The following MRPS27 variants were observed in gnomAD, a reference collection of about 807,000 sequenced individuals.
The protein encoded by MRPS27 is small ribosomal subunit protein mS27.
Under a neutral mutation model 48.9 loss-of-function variants are expected in MRPS27, and 43 were observed. The ratio of observed to expected loss-of-function variants is 0.88; its 90% CI spans 0.69 to 1.13. The LOEUF (loss-of-function observed/expected upper bound fraction) is 1.13, where lower values mean the gene tolerates loss of function less well. Ranked by LOEUF, MRPS27 falls within the 50% of genes most tolerant of loss-of-function variation. The probability of loss-of-function intolerance (pLI) is 0.00; values close to 1 mark genes in which losing one functional copy is unlikely to be tolerated. For missense variants in MRPS27, 467 were observed against 476.3 expected, an observed-to-expected ratio of 0.98 and a Z score of 0.18; for synonymous variants, 188 against 171.9, an observed-to-expected ratio of 1.09 and a Z score of -0.73.
intron 4 of MRPS27, among the ~76,000 whole-genome samples, chr5:72,293,862 C>G (rs1289925246): frequency 1.3e-5 from 2 of 152,148 alleles, no homozygotes; most frequent in Non-Finnish European, 2.9e-5. Flanking sequence ...AATATGAGAA[C>G]TGGCCAGATG....
intron 6 of MRPS27, among the ~76,000 whole-genome samples, chr5:72,233,858 T>G (rs946710451): frequency 5.9e-5 from 9 of 152,198 alleles, no homozygotes; most frequent in African/African-American, 1.9e-4. Flanking sequence ...TCAGTCAGTT[T>G]GGGAAGTGAA....
At chr5:72,235,566 G>A (rs1010277490) in intron 5 of MRPS27, among the ~76,000 whole-genome samples, 5 of 152,170 alleles carry the variant, frequency 3.3e-5, no homozygotes, top group Admixed American at 1.3e-4. Flanking sequence ...ACTGGGGCAG[G>A]ATGTTGATTA....
intron 2 of MRPS27, among the ~76,000 whole-genome samples, chr5:72,308,317 T>C (rs1750337176): frequency 6.6e-6 from 1 of 152,226 alleles, no homozygotes; most frequent in African/African-American, 2.4e-5. Flanking sequence ...GACGGCGCTC[T>C]GGCACATGAA....
chr5:72,316,647 C>T (rs575406585), intron 1 of MRPS27, among the ~76,000 whole-genome samples: 4 of 150,678 alleles, frequency 2.7e-5, no homozygotes, highest in Admixed American at 1.3e-4. Flanking sequence ...GGATTACAGG[C>T]GTGAGCCACC....
chr5:72,243,353 C>T (rs1251457401), intron 4 of MRPS27, among the ~76,000 whole-genome samples: 2 of 152,124 alleles, frequency 1.3e-5, no homozygotes, highest in Non-Finnish European at 2.9e-5. Context: ...CTTTTTCATC[C>T]TGCTGGAAAT....
intron 4 of MRPS27, among the ~76,000 whole-genome samples, chr5:72,240,918 G>C (rs1464949590): frequency 6.6e-6 from 1 of 152,212 alleles, no homozygotes; most frequent in Non-Finnish European, 1.5e-5. Flanking sequence ...AAGACACTCA[G>C]AGAAGTCTTT....
rs138579394 is a variant in MRPS27 at position 72,262,482 on chromosome 5, A to T, written c.282-24354T>A. ...TCAGCAAACAATAAATACTCAGTAT[A>T]TACTGAATACTGCTGAATGCTAGAG... is the stretch of plus-strand genomic sequence containing the variant. On this transcript the variant is annotated intron_variant, in intron 4 of 10. Transcript: ENST00000261413. Among the ~76,000 whole-genome samples, 223 of 152,356 alleles carry T rather than the reference A, an allele frequency of 1.5e-3. 1 individual carries two copies. Among genetic ancestry groups the T allele is most frequent in the African/African-American group, 4.6e-3 (193 of 41,588 alleles).
At chr5:72,246,739 A>G (rs1006667960) in intron 4 of MRPS27, among the ~76,000 whole-genome samples, 4 of 152,188 alleles carry the variant, frequency 2.6e-5, no homozygotes. Flanking sequence ...AAAATTATGT[A>G]ATCTAATTCC....
At chr5:72,295,773 C>T (rs1749962274) in intron 3 of MRPS27, among the ~76,000 whole-genome samples, 184 bp from the exon 4 acceptor site, 1 of 152,170 alleles carries the variant, frequency 6.6e-6, no homozygotes, top group Non-Finnish European at 1.5e-5. Flanking sequence ...TATGCTAATG[C>T]AAACAAAGAA....
chr5:72,276,860 T>C (rs1749389328), intron 4 of MRPS27, among the ~76,000 whole-genome samples: 1 of 151,904 alleles, frequency 6.6e-6, no homozygotes, highest in Non-Finnish European at 1.5e-5. Context: ...TGAAACCCCA[T>C]CTCTACTAAA....
At chr5:72,250,872 A>T (rs888482333) in intron 4 of MRPS27, among the ~76,000 whole-genome samples, 1 of 152,232 alleles carries the variant, frequency 6.6e-6, no homozygotes, top group Non-Finnish European at 1.5e-5. Context: ...GGTAGTTAAG[A>T]TATCAGCATC....
At chr5:72,298,759 G>T (rs950776322) in intron 2 of MRPS27, among the ~76,000 whole-genome samples, 2 of 146,120 alleles carry the variant, frequency 1.4e-5, no homozygotes, top group Admixed American at 6.8e-5. Context: ...ATTTGATTCA[G>T]CAATCCCATT....
chr5:72,244,980 A>ACAT (rs1297641394), intron 4 of MRPS27, among the ~76,000 whole-genome samples: 1 of 152,210 alleles, frequency 6.6e-6, no homozygotes, highest in Non-Finnish European at 1.5e-5. Context: ...ATCAGCCTCC[A>ACAT]AAGAGCAATA....
rs757582601 is a variant in MRPS27, at chr5:72,220,281, G to C, written c.*628C>G. The C allele has an allele frequency of 1.3e-5, 2 of 152,936 alleles. No homozygotes were observed. The highest frequency in any genetic ancestry group is 4.8e-5 in the African/African-American group (2 of 41,472). 9.5% of individuals were successfully genotyped at this position (152,936 alleles called of 1,614,324 possible). A position where few individuals can be genotyped will look rare whatever the true frequency, so the allele number is the denominator to read the frequency against. On this transcript the variant is annotated 3_prime_UTR_variant, in exon 11 of 11. Coordinates refer to ENST00000261413, the MANE Select transcript of MRPS27 (RefSeq NM_015084.3). ...CACGCCTATCATCCCAGCACTTTGGGAGGCTGAGGCGGGCAGATCACTTGA... is the reference window on the plus strand; with the variant it reads ...CACGCCTATCATCCCAGCACTTTGGCAGGCTGAGGCGGGCAGATCACTTGA...
intron 3 of MRPS27, among the ~76,000 whole-genome samples, chr5:72,296,198 CAG>C (rs1749975791): frequency 6.6e-6 from 1 of 151,724 alleles, no homozygotes; most frequent in Non-Finnish European, 1.5e-5. Context: ...ATTCCAAACA[CAG>C]ATTCTATTCT....
rs116768393 is a variant in MRPS27 at position 72,316,369 on chromosome 5, G to T, written c.74-2211C>A. 3.7e-3 allele frequency among the ~76,000 whole-genome samples: 567 copies of T among 152,196 alleles called. 1 individual carries two copies. The highest frequency in any genetic ancestry group is 0.013 in the African/African-American group (551 of 41,524). The stretch of plus-strand genomic sequence containing the variant: ...CTTTGAATTGTATACTGCATTTGTT[G>T]TTTCTTTGTTTGTTTTTGAGATGGA... On this transcript the variant is annotated intron_variant, in intron 1 of 10. Transcript: ENST00000261413.
intron 2 of MRPS27, among the ~76,000 whole-genome samples, chr5:72,298,727 A>C (rs1251838526): frequency 2.0e-5 from 3 of 150,828 alleles, no homozygotes; most frequent in South Asian, 4.2e-4. Context: ...AAAAAAACAA[A>C]AAAAAAAAAA....
intron 4 of MRPS27, chr5:72,294,773 T>G (rs1302440352): frequency 1.3e-5 from 2 of 151,742 alleles, no homozygotes; most frequent in Non-Finnish European, 2.9e-5. Context: ...ACAGTTCACA[T>G]CGGGTAAAAT....
intron 4 of MRPS27, among the ~76,000 whole-genome samples, chr5:72,293,483 T>C (rs1749887837): frequency 6.6e-6 from 1 of 152,136 alleles, no homozygotes. Context: ...TATATGGAAA[T>C]AGGACGTAGT....
Sources: allele counts gnomAD v4.1 joint callset (sites outside exome capture counted in the v4.1 genomes callset), GRCh38; gene constraint gnomAD v4.1.1; transcripts MANE v1.5; gene names NCBI Gene and HGNC (gene_info 2026-07-23, HGNC 2026-07-21).